The following LRRC3B variants were observed in gnomAD, a reference collection of about 807,000 sequenced individuals.
LRRC3B encodes the protein leucine-rich repeat-containing protein 3B.
LRRC3B carries 2 observed loss-of-function variants against 12.8 expected under a neutral mutation model. The ratio of observed to expected loss-of-function variants is 0.16; its 90% CI spans 0.06 to 0.49. The LOEUF (loss-of-function observed/expected upper bound fraction) is 0.49, where lower values mean the gene tolerates loss of function less well. LRRC3B is among the 20% of genes least tolerant of loss of function. LRRC3B has a pLI of 0.96. For synonymous variants in LRRC3B, 132 were observed against 122.0 expected (o/e 1.08, Z -0.54); for missense variants, 189 against 319.4 (o/e 0.59, Z 3.11).
At chr3:26,710,566 C>CTT in exon 2 of LRRC3B, 1 of 1,123,970 alleles carries the variant, frequency 8.9e-7, no homozygotes. Context: ...ATTTCAGTTT[C>CTT]TTTTGAATTA....
chr3:26,646,876 C>T (rs531033985), intron 1 of LRRC3B, among the ~76,000 whole-genome samples: 2 of 152,216 alleles, frequency 1.3e-5, no homozygotes, highest in South Asian at 2.1e-4. Flanking sequence ...GTCCCAGTCC[C>T]ACCACTTATG....
chr3:26,680,635 A>T (rs1699952124), intron 1 of LRRC3B, among the ~76,000 whole-genome samples: 1 of 152,058 alleles, frequency 6.6e-6, no homozygotes, highest in African/African-American at 2.4e-5. Flanking sequence ...TATTGTCCAA[A>T]CAAACAATTG....
chr3:26,672,402 A>G lies in LRRC3B; in HGVS notation c.-160-37111A>G, dbSNP rs563194660. On this transcript the variant is annotated intron_variant, in intron 1 of 1. Coordinates refer to ENST00000396641, the Ensembl canonical transcript of LRRC3B. ...TAAGACTTGGTTTTGATGCAGAGAT[A>G]TGAAAATATCTCCTCATAATTTCAT... Among the ~76,000 whole-genome samples the G allele has an allele frequency of 5.3e-5, 8 of 152,318 alleles. No homozygotes were observed. The South Asian group carries it at 1.7e-3, about 32-fold the overall frequency.
At chr3:26,682,814 T>A (rs2125442591) in intron 1 of LRRC3B, among the ~76,000 whole-genome samples, 1 of 152,306 alleles carries the variant, frequency 6.6e-6, no homozygotes, top group South Asian at 2.1e-4. Context: ...ACATTAAAAG[T>A]GTCAAAAAAT....
Position 26,709,640 on chromosome 3 carries a change from G to A in LRRC3B, c.-33G>A, listed in dbSNP as rs779823069. The A allele has an allele frequency of 1.9e-6, 3 of 1,599,970 alleles. No individual in the cohort carries two copies. The East Asian group carries it at 6.7e-5, about 36-fold the overall frequency. On this transcript the variant is annotated 5_prime_UTR_variant, in exon 2 of 2. Coordinates refer to ENST00000396641, the Ensembl canonical transcript of LRRC3B. ...TTACCACGCTTGTTGGAGTAGATGA[G>A]GAATGGGCTCGTGATTATGCTGACA...
At chr3:26,685,523 C>CTCTCTCTA (rs1200535225) in intron 1 of LRRC3B, among the ~76,000 whole-genome samples, 1 of 38,300 alleles carries the variant, frequency 2.6e-5, no homozygotes, top group African/African-American at 1.3e-4. Context: ...CTCTCTCTCT[C>CTCTCTCTA]TATATATATA....
At chr3:26,630,150 T>G (rs1698724951) in intron 1 of LRRC3B, among the ~76,000 whole-genome samples, 1 of 151,910 alleles carries the variant, frequency 6.6e-6, no homozygotes, top group Admixed American at 6.6e-5. Flanking sequence ...AGAAGAGGGC[T>G]TATAAGGAAG....
chr3:26,632,801 C>T (rs1406500046), intron 1 of LRRC3B, among the ~76,000 whole-genome samples: 1 of 152,088 alleles, frequency 6.6e-6, no homozygotes, highest in Non-Finnish European at 1.5e-5. Context: ...CTCCACAGTC[C>T]TTTGTCACCT....
chr3:26,693,157 C>A (rs1472854967), intron 1 of LRRC3B, among the ~76,000 whole-genome samples: 1 of 151,088 alleles, frequency 6.6e-6, no homozygotes, highest in Non-Finnish European at 1.5e-5. Context: ...GGTGAAACCC[C>A]GTCTCTACTA....
intron 1 of LRRC3B, among the ~76,000 whole-genome samples, chr3:26,678,430 G>T (rs1212116888): frequency 6.6e-6 from 1 of 151,998 alleles, no homozygotes; most frequent in African/African-American, 2.4e-5. Context: ...GGAGGCGAAG[G>T]TTACAGTGAT....
chr3:26,683,020 C>T (rs1459907062), intron 1 of LRRC3B, among the ~76,000 whole-genome samples: 3 of 152,150 alleles, frequency 2.0e-5, no homozygotes, highest in African/African-American at 4.8e-5. Flanking sequence ...TTTTAAGTCC[C>T]GGAAGCTCAA....
intron 1 of LRRC3B, among the ~76,000 whole-genome samples, chr3:26,661,534 T>C (rs1324118435): frequency 6.6e-6 from 1 of 152,170 alleles, no homozygotes; most frequent in Non-Finnish European, 1.5e-5. Context: ...TTTTAAAAAA[T>C]GTTTCCAAGC....
At chr3:26,635,702 G>A (rs976454246) in intron 1 of LRRC3B, among the ~76,000 whole-genome samples, 1 of 152,240 alleles carries the variant, frequency 6.6e-6, no homozygotes, top group African/African-American at 2.4e-5. Flanking sequence ...AGAAACTAAT[G>A]TAGGTTAGCC....
chr3:26,686,367 C>A (rs1700089238), intron 1 of LRRC3B, among the ~76,000 whole-genome samples: 1 of 152,206 alleles, frequency 6.6e-6, no homozygotes, highest in Non-Finnish European at 1.5e-5. Context: ...GCGTGAGCCA[C>A]CGCGCCCGGC....
chr3:26,661,673 T>C (rs1048377501), intron 1 of LRRC3B, among the ~76,000 whole-genome samples: 7 of 152,212 alleles, frequency 4.6e-5, no homozygotes, highest in African/African-American at 7.2e-5. Flanking sequence ...TTTCCTGTTA[T>C]AAACAATGCT....
chr3:26,699,815 G>A (rs1325440433), intron 1 of LRRC3B, among the ~76,000 whole-genome samples: 1 of 152,170 alleles, frequency 6.6e-6, no homozygotes, highest in Non-Finnish European at 1.5e-5. Flanking sequence ...AAGATGGATA[G>A]ATTCCCACTC....
intron 1 of LRRC3B, among the ~76,000 whole-genome samples, chr3:26,668,202 G>A (rs541032677): frequency 3.6e-4 from 54 of 152,106 alleles, no homozygotes; most frequent in Non-Finnish European, 6.6e-4. Context: ...CAATCAGAGA[G>A]CCTTTGTTTC....
intron 1 of LRRC3B, among the ~76,000 whole-genome samples, chr3:26,667,170 C>T (rs537208244): frequency 1.3e-5 from 2 of 149,102 alleles, no homozygotes; most frequent in Non-Finnish European, 3.0e-5. Context: ...AATCCCATGG[C>T]CTTTCAGCCC....
intron 1 of LRRC3B, among the ~76,000 whole-genome samples, chr3:26,666,370 A>C (rs1575141328): frequency 6.6e-6 from 1 of 152,240 alleles, no homozygotes; most frequent in African/African-American, 2.4e-5. Flanking sequence ...AGACAGAAGA[A>C]GTACATGTGA....
Sources: allele counts gnomAD v4.1 joint callset (sites outside exome capture counted in the v4.1 genomes callset), GRCh38; gene constraint gnomAD v4.1.1; transcripts MANE v1.5; gene names NCBI Gene and HGNC (gene_info 2026-07-23, HGNC 2026-07-21).